Variants in LRRC7 observed in about 807,000 individuals in gnomAD.
LRRC7 encodes the protein leucine-rich repeat-containing protein 7.
Under a neutral mutation model 175.7 loss-of-function variants are expected in LRRC7, and 23 were observed. The ratio of observed to expected loss-of-function variants is 0.13; its 90% confidence interval spans 0.09 to 0.19. LRRC7 has a LOEUF of 0.19. Among genes scored for constraint, LRRC7 ranks in the 10% least tolerant of loss-of-function variants. The pLI is 1.00. For missense variants in LRRC7, 1,354 were observed against 1,904.7 expected (o/e 0.71, Z 5.38); for synonymous variants, 685 against 680.9 (o/e 1.01, Z -0.09).
rs1163071175 is a variant in LRRC7 at position 69,853,270 on chromosome 1, C to CTTTTTTT, written c.647+15007_647+15013dup. The stretch of plus-strand genomic sequence containing the variant: ...ATTTGTTTCTCTTTTTCCTTTCTTT[C>CTTTTTTT]TTTTTTTTTTTTTTTTTTTTTTTTT... On this transcript the variant is annotated intron_variant, in intron 7 of 26. Transcript: ENST00000651989. Among the ~76,000 whole-genome samples the CTTTTTTT allele has an allele frequency of 2.2e-4, 19 of 88,010 alleles. 1 individual carries two copies. Among genetic ancestry groups the CTTTTTTT allele is most frequent in the African/African-American group, 6.3e-4 (14 of 22,342 alleles). 57.7% of individuals were successfully genotyped at this position (88,010 alleles called of 152,430 possible).
intron 3 of LRRC7, among the ~76,000 whole-genome samples, chr1:69,784,738 A>ATCG (rs1293806665): frequency 6.6e-6 from 1 of 152,180 alleles, no homozygotes; most frequent in African/African-American, 2.4e-5. Context: ...TTCTGGCTAT[A>ATCG]TCGTGGCATT....
chr1:69,582,171 G>T (rs960803469), intron 1 of LRRC7, among the ~76,000 whole-genome samples: 1 of 152,188 alleles, frequency 6.6e-6, no homozygotes, highest in Non-Finnish European at 1.5e-5. Context: ...TTTGCTCATG[G>T]ATACATAATC....
At chr1:69,622,219 C>T (rs1483954980) in intron 1 of LRRC7, among the ~76,000 whole-genome samples, 1 of 152,194 alleles carries the variant, frequency 6.6e-6, no homozygotes, top group Non-Finnish European at 1.5e-5. Flanking sequence ...TGAATTTTAA[C>T]ATCGTAAAGA....
intron 24 of LRRC7, among the ~76,000 whole-genome samples, chr1:70,083,604 C>G (rs1048822811): frequency 6.6e-6 from 1 of 152,182 alleles, no homozygotes; most frequent in Non-Finnish European, 1.5e-5. Context: ...CTCTCCTTCA[C>G]TCCAGAAGTT....
At chr1:69,764,834 T>G (rs1182818652) in intron 3 of LRRC7, among the ~76,000 whole-genome samples, 1 of 151,992 alleles carries the variant, frequency 6.6e-6, no homozygotes, top group African/African-American at 2.4e-5. Flanking sequence ...ATACCTGGAA[T>G]AGAAAAATAT....
chr1:70,103,948 ATAGC>A (rs1571333772), intron 25 of LRRC7, among the ~76,000 whole-genome samples: 2 of 152,220 alleles, frequency 1.3e-5, no homozygotes, highest in Non-Finnish European at 2.9e-5. Context: ...AGTACATTAC[ATAGC>A]TAGTTTTAAA....
intron 7 of LRRC7, among the ~76,000 whole-genome samples, chr1:69,910,086 T>G (rs1646473038): frequency 1.3e-5 from 2 of 152,232 alleles, no homozygotes; most frequent in African/African-American, 4.8e-5. Flanking sequence ...TTCTGCATTC[T>G]TCACGTAGTT....
At chr1:69,702,487 T>A (rs755516493) in intron 2 of LRRC7, among the ~76,000 whole-genome samples, 3 of 152,202 alleles carry the variant, frequency 2.0e-5, no homozygotes, top group Admixed American at 6.5e-5. Context: ...AAATGATTTT[T>A]AAGCCTTTTC....
intron 8 of LRRC7, among the ~76,000 whole-genome samples, chr1:69,955,226 A>G (rs1432489455): frequency 1.3e-5 from 2 of 152,066 alleles, no homozygotes; most frequent in African/African-American, 2.4e-5. Context: ...CCTTGCCCTC[A>G]GTGAGTTCAT....
Position 70,076,232 on chromosome 1 carries a change from A to G in LRRC7, c.4386A>G (p.Gly1462=), listed in dbSNP as rs1173882424. ...IQIPSSQATR[G]PQPGRCLIQT... ...TCCCCTCTTCACAGGCCACCCGGGGACCTCAGCCTGGACGGTGCTTAATTC... is the reference window on the plus strand; with the variant it reads ...TCCCCTCTTCACAGGCCACCCGGGGGCCTCAGCCTGGACGGTGCTTAATTC... Residue 1462 remains glycine, a synonymous_variant, in exon 24 of 27, where the codon GGA becomes GGG. Coordinates refer to ENST00000651989, the MANE Select transcript of LRRC7 (RefSeq NM_001370785.2). The G allele has an allele frequency of 1.2e-6, 2 of 1,614,062 alleles. No homozygotes were observed. Among genetic ancestry groups the G allele is most frequent in the Admixed American group, 1.7e-5 (1 of 59,990 alleles).
intron 7 of LRRC7, among the ~76,000 whole-genome samples, chr1:69,885,995 T>A (rs1687149648): frequency 7.0e-6 from 1 of 143,650 alleles, no homozygotes; most frequent in South Asian, 2.2e-4. Context: ...TTTGTTATAA[T>A]CTCTGTTCTT....
chr1:69,573,031 C>A (rs1456453508), intron 1 of LRRC7, among the ~76,000 whole-genome samples: 1 of 152,106 alleles, frequency 6.6e-6, no homozygotes, highest in Non-Finnish European at 1.5e-5. Flanking sequence ...ACTTGTCATA[C>A]TGCCTCCCCT....
chr1:70,027,646 C>T (rs980823879), intron 17 of LRRC7, among the ~76,000 whole-genome samples: 6 of 152,104 alleles, frequency 3.9e-5, no homozygotes, highest in African/African-American at 1.4e-4. Context: ...TGATATAACA[C>T]ACTAACTAAC....
chr1:69,888,870 T>C, intron 7 of LRRC7, among the ~76,000 whole-genome samples: 1 of 152,272 alleles, frequency 6.6e-6, no homozygotes, highest in East Asian at 1.9e-4. Context: ...TAAGAATATA[T>C]TGAGTACTTG....
intron 1 of LRRC7, among the ~76,000 whole-genome samples, chr1:69,635,986 TG>T (rs1225448844): frequency 1.3e-5 from 2 of 152,008 alleles, no homozygotes; most frequent in Non-Finnish European, 2.9e-5. Context: ...CCTTAATAAA[TG>T]GGATTTGTTC....
chr1:69,869,305 G>A (rs549196099), intron 7 of LRRC7, among the ~76,000 whole-genome samples: 39 of 152,066 alleles, frequency 2.6e-4, no homozygotes, highest in Non-Finnish European at 5.0e-4. Context: ...ATTGGCACAG[G>A]ATTAAGGTTA....
intron 13 of LRRC7, among the ~76,000 whole-genome samples, chr1:70,016,205 G>A (rs1489823766): frequency 6.6e-6 from 1 of 152,160 alleles, no homozygotes; most frequent in Non-Finnish European, 1.5e-5. Flanking sequence ...TAAACTTCTG[G>A]AGGGATTTTT....
intron 7 of LRRC7, among the ~76,000 whole-genome samples, chr1:69,848,035 AT>A (rs1489765587): frequency 3.3e-5 from 5 of 152,176 alleles, no homozygotes; most frequent in Non-Finnish European, 7.4e-5. Flanking sequence ...TTCTTGAGAC[AT>A]TCCCTTTTTC....
chr1:69,850,172 T>C (rs994128027), intron 7 of LRRC7, among the ~76,000 whole-genome samples: 1 of 151,516 alleles, frequency 6.6e-6, no homozygotes, highest in African/African-American at 2.4e-5. Flanking sequence ...GATGAAGTTG[T>C]AAAGAAAGAG....
Sources: gnomAD v4.1 joint callset for allele counts (sites outside exome capture counted in the v4.1 genomes callset) on GRCh38, gnomAD v4.1.1 for gene constraint, MANE v1.5 for transcripts, NCBI Gene and HGNC (gene_info 2026-07-23, HGNC 2026-07-21) for gene names.